The following HOMER2 variants were observed in gnomAD, a reference collection of about 807,000 sequenced individuals.
The protein encoded by HOMER2 is homer protein homolog 2.
Under a neutral mutation model 47.0 loss-of-function variants are expected in HOMER2, and 27 were observed. The ratio of observed to expected loss-of-function variants is 0.57; its 90% CI spans 0.42 to 0.79. The LOEUF (loss-of-function observed/expected upper bound fraction) is 0.79, where lower values mean the gene tolerates loss of function less well. HOMER2 is among the 30% of genes least tolerant of loss of function. The pLI is 0.00. For missense variants in HOMER2, 443 were observed against 435.0 expected (o/e 1.02, Z -0.16); for synonymous variants, 161 against 163.8 (o/e 0.98, Z 0.13).
intron 1 of HOMER2, among the ~76,000 whole-genome samples, chr15:82,984,397 T>C (rs1475046377): frequency 6.6e-6 from 1 of 152,222 alleles, no homozygotes; most frequent in Non-Finnish European, 1.5e-5. Flanking sequence ...ACCAAGACTA[T>C]CCTATTCCCT....
chr15:82,861,887 G>A lies in HOMER2; in HGVS notation c.387+2280C>T, dbSNP rs578070226. ...TAGTCGGGTGTGGTGGCGCATGCTT[G>A]TAATCCCAGTTAGAGAGGCTGAGGC... On this transcript the variant is annotated intron_variant, in intron 4 of 8. Coordinates refer to ENST00000450735, the MANE Select transcript of HOMER2 (RefSeq NM_004839.4). Among the ~76,000 whole-genome samples, 5 of 152,152 alleles carry A rather than the reference G, an allele frequency of 3.3e-5. No homozygotes were observed. In the East Asian group the frequency reaches 9.6e-4, roughly 29 times the overall value.
At chr15:82,978,212 C>A (rs1035398972) in intron 1 of HOMER2, among the ~76,000 whole-genome samples, 1 of 152,050 alleles carries the variant, frequency 6.6e-6, no homozygotes, top group Non-Finnish European at 1.5e-5. Context: ...TAACCGAGCA[C>A]CAACTATGTA....
At chr15:82,941,271 C>T (rs988235700) in intron 1 of HOMER2, among the ~76,000 whole-genome samples, 2 of 151,520 alleles carry the variant, frequency 1.3e-5, no homozygotes, top group African/African-American at 4.9e-5. Context: ...TGATGAAACC[C>T]CCTCTATACT....
chr15:82,899,262 G>T (rs1027617494), intron 1 of HOMER2, among the ~76,000 whole-genome samples: 2 of 152,210 alleles, frequency 1.3e-5, no homozygotes, highest in African/African-American at 2.4e-5. Context: ...ATACATCCTC[G>T]CTTCACTGTC....
At chr15:82,904,849 AT>A (rs1464998371) in intron 1 of HOMER2, among the ~76,000 whole-genome samples, 56 of 152,330 alleles carry the variant, frequency 3.7e-4, no homozygotes, top group African/African-American at 1.3e-3. Flanking sequence ...CCAGGACAGC[AT>A]GTCTACCTTT....
intron 1 of HOMER2, among the ~76,000 whole-genome samples, chr15:82,944,775 C>T (rs1250328888): frequency 1.3e-5 from 2 of 151,500 alleles, no homozygotes; most frequent in Admixed American, 6.6e-5. Context: ...TCCCTTCATA[C>T]TAAAACAGGA....
chr15:82,969,116 A>AG (rs2029898685), intron 1 of HOMER2, among the ~76,000 whole-genome samples: 1 of 152,234 alleles, frequency 6.6e-6, no homozygotes. Context: ...GTTGTTTGTA[A>AG]GCATGTTAAA....
intron 1 of HOMER2, among the ~76,000 whole-genome samples, chr15:82,933,141 A>T (rs1326213245): frequency 2.6e-5 from 4 of 151,734 alleles, no homozygotes; most frequent in African/African-American, 7.3e-5. Context: ...AAAAAAAAAA[A>T]CTATGGACAC....
At chr15:82,957,712 C>T (rs2054598249), upstream of HOMER2, among the ~76,000 whole-genome samples, 1 of 152,180 alleles carries the variant, frequency 6.6e-6, no homozygotes, top group South Asian at 2.1e-4. Flanking sequence ...AAGGGCCTGC[C>T]CTTAGGAAGG....
chr15:82,894,663 T>TC (rs2052845879), intron 1 of HOMER2, among the ~76,000 whole-genome samples: 1 of 116,428 alleles, frequency 8.6e-6, no homozygotes, highest in African/African-American at 3.9e-5. Flanking sequence ...AGAGCAAGAC[T>TC]CCATCTCAAA....
At chr15:82,893,329 C>CTTTTT (rs771392216) in intron 1 of HOMER2, among the ~76,000 whole-genome samples, 2 of 118,958 alleles carry the variant, frequency 1.7e-5, no homozygotes, top group African/African-American at 3.2e-5. Flanking sequence ...ATAATTTTAT[C>CTTTTT]TTTTTTTTTT....
chr15:82,845,979 CCAT>C (rs2051241604), downstream of HOMER2: 1 of 152,308 alleles, frequency 6.6e-6, no homozygotes, highest in Non-Finnish European at 1.5e-5. Context: ...CTGCCCACCA[CCAT>C]CAAGGCTGTG....
intron 1 of HOMER2, among the ~76,000 whole-genome samples, chr15:82,943,153 C>T (rs764271559): frequency 2.0e-5 from 3 of 152,136 alleles, no homozygotes; most frequent in Non-Finnish European, 2.9e-5. Context: ...TTTATGTGTC[C>T]GGCATTGTGC....
intron 2 of HOMER2, among the ~76,000 whole-genome samples, chr15:82,876,273 A>G (rs1377843472): frequency 6.6e-6 from 1 of 152,272 alleles, no homozygotes; most frequent in Non-Finnish European, 1.5e-5. Flanking sequence ...CAAGAAGGGT[A>G]GAGGATGAAT....
At chr15:82,958,910 C>A (rs2054607729) in exon 2 of HOMER2, 1 of 152,366 alleles carries the variant, frequency 6.6e-6, no homozygotes, top group African/African-American at 2.4e-5. Flanking sequence ...GCTGCAAGTG[C>A]CCCCAGGGGC....
At chr15:82,866,187 C>T (rs1186781581) in intron 3 of HOMER2, among the ~76,000 whole-genome samples, 1 of 152,202 alleles carries the variant, frequency 6.6e-6, no homozygotes, top group Non-Finnish European at 1.5e-5. Context: ...CATGGGAGCC[C>T]ACCTCTTGCA....
chr15:82,928,058 G>C (rs529029205), intron 1 of HOMER2, among the ~76,000 whole-genome samples: 1 of 151,764 alleles, frequency 6.6e-6, no homozygotes, highest in Admixed American at 6.6e-5. Context: ...GGATGACTGC[G>C]GGCCCGGCCC....
chr15:82,935,026 C>T (rs1293153217), intron 1 of HOMER2, among the ~76,000 whole-genome samples: 3 of 152,166 alleles, frequency 2.0e-5, no homozygotes, highest in African/African-American at 2.4e-5. Flanking sequence ...GGCCTCCTTC[C>T]CTGGGGCTCT....
intron 3 of HOMER2, among the ~76,000 whole-genome samples, chr15:82,865,489 T>G (rs919796655): frequency 6.6e-6 from 1 of 152,172 alleles, no homozygotes; most frequent in Non-Finnish European, 1.5e-5. Context: ...AAAAAAATCA[T>G]GTAAAAGACT....
Sources: allele counts gnomAD v4.1 joint callset (sites outside exome capture counted in the v4.1 genomes callset), GRCh38; gene constraint gnomAD v4.1.1; transcripts MANE v1.5; gene names NCBI Gene and HGNC (gene_info 2026-07-23, HGNC 2026-07-21).